The following RNLS variants were observed in gnomAD, a reference collection of about 807,000 sequenced individuals.
RNLS encodes renalase, FAD dependent amine oxidase, also known as renalase.
RNLS carries 39 observed loss-of-function variants against 39.8 expected under a neutral mutation model. That is an observed-to-expected ratio of 0.98 (90% CI 0.76 to 1.28). The LOEUF is 1.28. Ranked by LOEUF, RNLS falls within the 50% of genes most tolerant of loss-of-function variation. The probability of loss-of-function intolerance (pLI) is 0.00; values close to 1 mark genes in which losing one functional copy is unlikely to be tolerated. For missense variants in RNLS, 410 were observed against 413.3 expected (o/e 0.99, Z 0.07); for synonymous variants, 147 against 150.7 (o/e 0.98, Z 0.18).
intron 4 of RNLS, among the ~76,000 whole-genome samples, chr10:88,451,485 A>G (rs904787574): frequency 6.6e-6 from 1 of 152,154 alleles, no homozygotes; most frequent in African/African-American, 2.4e-5. Context: ...GAGAGAAGGG[A>G]GCCCCACTGA....
chr10:88,511,392 T>C (rs1375353314), intron 4 of RNLS, among the ~76,000 whole-genome samples: 3 of 152,066 alleles, frequency 2.0e-5, no homozygotes, highest in Non-Finnish European at 2.9e-5. Context: ...CAGTGAAGAT[T>C]GTTGAAAGAA....
the RNLS span, among the ~76,000 whole-genome samples, chr10:88,260,579 A>G: frequency 4.6e-5 from 7 of 152,222 alleles, no homozygotes; most frequent in Non-Finnish European, 8.8e-5. Flanking sequence ...ACTACCTAGT[A>G]CTAGTCTGAC....
chr10:88,173,797 A>T, the RNLS span, among the ~76,000 whole-genome samples: 336 of 151,566 alleles, frequency 2.2e-3, 1 homozygote, highest in Middle Eastern at 0.01. Flanking sequence ...GTCTTTTTTT[A>T]AAAAAAAATT....
chr10:88,347,224 G>A (rs1848368011), intron 5 of RNLS, among the ~76,000 whole-genome samples: 1 of 152,140 alleles, frequency 6.6e-6, no homozygotes, highest in Non-Finnish European at 1.5e-5. Context: ...GGGAAGCAGA[G>A]CAGCTCACAT....
At chr10:88,286,927 A>T (rs1336132701) in intron 6 of RNLS, among the ~76,000 whole-genome samples, 2 of 151,540 alleles carry the variant, frequency 1.3e-5, no homozygotes, top group African/African-American at 4.8e-5. Context: ...GGTAGCTAGG[A>T]CTGTAAGTGC....
chr10:88,223,969 T>TGA, the RNLS span, among the ~76,000 whole-genome samples: 3 of 151,370 alleles, frequency 2.0e-5, no homozygotes, highest in Non-Finnish European at 4.4e-5. Context: ...TATAAATCCT[T>TGA]GAGTGAGGAG....
intron 4 of RNLS, among the ~76,000 whole-genome samples, chr10:88,371,849 A>G (rs573021009): frequency 1.3e-5 from 2 of 152,286 alleles, no homozygotes; most frequent in East Asian, 3.9e-4. Flanking sequence ...CTAGTTATGC[A>G]TAGCTGGCTT....
intron 4 of RNLS, among the ~76,000 whole-genome samples, chr10:88,519,869 G>A (rs7474889): frequency 0.012 from 1,876 of 151,730 alleles, 78 homozygotes; most frequent in South Asian, 0.087. Context: ...TGTATTTAGC[G>A]CTGCCTCCAG....
intron 4 of RNLS, among the ~76,000 whole-genome samples, chr10:88,459,811 C>G (rs529527658): frequency 6.6e-6 from 1 of 152,108 alleles, no homozygotes; most frequent in Admixed American, 6.6e-5. Context: ...TCTGTACTCA[C>G]GATTAAAGGG....
intron 6 of RNLS, among the ~76,000 whole-genome samples, chr10:88,296,799 C>T (rs1844127155): frequency 6.6e-6 from 1 of 152,102 alleles, no homozygotes; most frequent in South Asian, 2.1e-4. Flanking sequence ...CCCTAAATTT[C>T]CCTTATGCCC....
the RNLS span, among the ~76,000 whole-genome samples, chr10:88,266,053 C>CT: frequency 1.8e-3 from 279 of 152,236 alleles, no homozygotes; most frequent in Non-Finnish European, 3.0e-3. Flanking sequence ...ATTTCCTGGG[C>CT]TTTTTTATCT....
chr10:88,200,958 C>T, the RNLS span, among the ~76,000 whole-genome samples: 3 of 150,628 alleles, frequency 2.0e-5, no homozygotes, highest in South Asian at 6.3e-4. Context: ...TTAGCATTTT[C>T]AAAGATAAAA....
chr10:88,523,178 C>A (rs1053917910), intron 4 of RNLS, among the ~76,000 whole-genome samples: 1 of 152,098 alleles, frequency 6.6e-6, no homozygotes, highest in South Asian at 2.1e-4. Flanking sequence ...TCAGAAGAGT[C>A]ATTTTTCTCA....
At position 88,471,540 on chromosome 10, in the gene RNLS, C is replaced by T. The variant is rs145958635; in HGVS notation, c.526+101363G>A. Among the ~76,000 whole-genome samples the T allele has an allele frequency of 4.1e-4, 63 of 152,112 alleles. No individual in the cohort carries two copies. The East Asian group carries it at 6.6e-3, about 16-fold the overall frequency. ...GAAGAATGTATAGAGTACTGTAAGGCGAAAAGAGAGGGCCATTCTGTGGAG... is the reference window on the plus strand; with the variant it reads ...GAAGAATGTATAGAGTACTGTAAGGTGAAAAGAGAGGGCCATTCTGTGGAG... On this transcript the variant is annotated intron_variant, in intron 4 of 6. Coordinates refer to ENST00000331772, the MANE Select transcript of RNLS (RefSeq NM_001031709.3).
intron 6 of RNLS, among the ~76,000 whole-genome samples, chr10:88,289,151 A>G (rs1843494593): frequency 6.6e-6 from 1 of 152,178 alleles, no homozygotes; most frequent in Non-Finnish European, 1.5e-5. Flanking sequence ...GTATATAAAT[A>G]AAGCTGAAGA....
At chr10:88,474,204 A>G (rs1462381428) in intron 4 of RNLS, among the ~76,000 whole-genome samples, 1 of 152,160 alleles carries the variant, frequency 6.6e-6, no homozygotes, top group Non-Finnish European at 1.5e-5. Flanking sequence ...TGAATTGAGC[A>G]GAAAAAAAAA....
At chr10:88,255,483 G>A in the RNLS span, among the ~76,000 whole-genome samples, 1 of 152,188 alleles carries the variant, frequency 6.6e-6, no homozygotes, top group Non-Finnish European at 1.5e-5. Context: ...GGGAGCAAGG[G>A]AGGAGGAGTA....
At chr10:88,423,206 G>A (rs10887817) in intron 4 of RNLS, among the ~76,000 whole-genome samples, 93,961 of 152,018 alleles carry the variant, frequency 0.62, 29,143 homozygotes, top group African/African-American at 0.67. Context: ...ATTTTCCCTA[G>A]TGGTACTGTT....
Position 88,373,521 on chromosome 10 carries a change from T to C in RNLS, c.527-10796A>G, listed in dbSNP as rs575760971. ...CAGCATTTTATTTATTTTAAAATTA[T>C]GCTTTCATAACTAACAAAAATCTCA... On this transcript the variant is annotated intron_variant, in intron 4 of 6. Coordinates refer to ENST00000331772, the MANE Select transcript of RNLS (RefSeq NM_001031709.3). Among the ~76,000 whole-genome samples, 4 of 152,310 alleles carry C rather than the reference T, an allele frequency of 2.6e-5. No homozygotes were observed. In the East Asian group the frequency reaches 7.7e-4, roughly 29 times the overall value.
Sources: gnomAD v4.1 joint callset for allele counts (sites outside exome capture counted in the v4.1 genomes callset) on GRCh38, gnomAD v4.1.1 for gene constraint, MANE v1.5 for transcripts, NCBI Gene and HGNC (gene_info 2026-07-23, HGNC 2026-07-21) for gene names.